OLFML1: variants seen among roughly 807,000 people sequenced by gnomAD.
The protein encoded by OLFML1 is olfactomedin like 1.
In OLFML1, 33 loss-of-function variants were observed where a neutral mutation model predicts 37.3. That is an observed-to-expected ratio of 0.88 (90% CI 0.67 to 1.18). The LOEUF (loss-of-function observed/expected upper bound fraction) is 1.18, where lower values mean the gene tolerates loss of function less well. Ranked by LOEUF, OLFML1 falls within the 50% of genes most tolerant of loss-of-function variation. The pLI is 0.00. For synonymous variants in OLFML1, 186 were observed against 181.3 expected, an observed-to-expected ratio of 1.03 and a Z score of -0.21; for missense variants, 545 against 483.7, an observed-to-expected ratio of 1.13 and a Z score of -1.19.
chr11:7,497,928 T>C (rs767663153), intron 2 of OLFML1, among the ~76,000 whole-genome samples: 1 of 152,196 alleles, frequency 6.6e-6, no homozygotes, highest in Non-Finnish European at 1.5e-5. Flanking sequence ...ACAGTTCCTG[T>C]TTTCCTGCTA....
Position 7,509,904 on chromosome 11 carries a change from G to A in OLFML1, c.925G>A (p.Asp309Asn), listed in dbSNP as rs370996733. The A allele has an allele frequency of 6.5e-5, 105 of 1,614,132 alleles. No homozygotes were observed. Among genetic ancestry groups the A allele is most frequent in the Admixed American group, 1.7e-4 (10 of 60,012 alleles). ...CACACTGGGAGTGGAGCATTCATGG[G>A]ATACCCCATGCAGAAGCCAGGATGC... is the stretch of plus-strand genomic sequence containing the variant. Reference protein sequence around the residue: ...PGTLGVEHSWDTPCRSQDAEA... With the variant: ...PGTLGVEHSWNTPCRSQDAEA... Residue 309 changes from aspartate to asparagine, a missense_variant, in exon 3 of 3, where the codon GAT becomes AAT. By Grantham distance (23) the Asp-to-Asn change is conservative (BLOSUM62 1). Transcript: ENST00000329293.
At chr11:7,504,861 A>C (rs1848766609) in intron 2 of OLFML1, 2 of 151,150 alleles carry the variant, frequency 1.3e-5, no homozygotes, top group African/African-American at 4.9e-5. Context: ...ACTCCAGTTG[A>C]CCTTCAGTGG....
chr11:7,506,845 A>G (rs1848792048), intron 2 of OLFML1, among the ~76,000 whole-genome samples: 1 of 152,188 alleles, frequency 6.6e-6, no homozygotes, highest in Admixed American at 6.5e-5. Context: ...ATGACCTGGG[A>G]GAAAGTAGAG....
chr11:7,495,416 G>A (rs1848650210), intron 2 of OLFML1, among the ~76,000 whole-genome samples: 2 of 152,106 alleles, frequency 1.3e-5, no homozygotes, highest in Non-Finnish European at 2.9e-5. Context: ...AAGTATGAAA[G>A]TAATACTCAC....
chr11:7,498,455 G>T (rs576280577), intron 2 of OLFML1, among the ~76,000 whole-genome samples: 160 of 152,208 alleles, frequency 1.1e-3, no homozygotes, highest in African/African-American at 3.6e-3. Flanking sequence ...CTGAGATATC[G>T]GAAACTTATT....
At chr11:7,504,697 G>T (rs1351410411) in intron 2 of OLFML1, 1 of 152,186 alleles carries the variant, frequency 6.6e-6, no homozygotes, top group Non-Finnish European at 1.5e-5. Context: ...TAGTCATATG[G>T]AAAGCATGAT....
At position 7,493,143 on chromosome 11, in the gene OLFML1, TC is replaced by T. The variant is rs537409880; in HGVS notation, c.418+4730del. On this transcript the variant is annotated intron_variant, in intron 2 of 2. Coordinates refer to ENST00000329293, the MANE Select transcript of OLFML1 (RefSeq NM_198474.4). The stretch of plus-strand genomic sequence containing the variant: ...ATTTTATTTCCTGTTGTCGTCCAGT[TC>T]CTTTTATTGCAAGGGTGCACAAAAA... Among the ~76,000 whole-genome samples, 218 of 152,332 alleles carry T rather than the reference TC, an allele frequency of 1.4e-3. 1 individual carries two copies. Among genetic ancestry groups the T allele is most frequent in the African/African-American group, 4.9e-3 (204 of 41,570 alleles).
At chr11:7,495,930 G>C (rs192320981) in intron 2 of OLFML1, among the ~76,000 whole-genome samples, 17 of 152,254 alleles carry the variant, frequency 1.1e-4, no homozygotes, top group African/African-American at 3.6e-4. Flanking sequence ...CTCTGCCTCT[G>C]TGTCTACTCA....
chr11:7,486,683 C>G (rs562474461), intron 1 of OLFML1, among the ~76,000 whole-genome samples: 86 of 152,316 alleles, frequency 5.6e-4, no homozygotes, highest in South Asian at 2.9e-3. Context: ...TCCACCCTAG[C>G]CTTTGCCACA....
intron 2 of OLFML1, among the ~76,000 whole-genome samples, chr11:7,508,644 T>G (rs1848813568): frequency 1.3e-5 from 2 of 152,240 alleles, no homozygotes; most frequent in Admixed American, 6.5e-5. Flanking sequence ...ATCTTGCTCC[T>G]TGTAGGTATC....
chr11:7,489,446 C>G (rs1296755460), intron 2 of OLFML1, among the ~76,000 whole-genome samples: 1 of 151,766 alleles, frequency 6.6e-6, no homozygotes, highest in Non-Finnish European at 1.5e-5. Flanking sequence ...AGAGAGGTGA[C>G]AGTAGGGAAA....
At chr11:7,495,958 T>G (rs1848658154) in intron 2 of OLFML1, among the ~76,000 whole-genome samples, 1 of 152,220 alleles carries the variant, frequency 6.6e-6, no homozygotes, top group Non-Finnish European at 1.5e-5. Context: ...CACCCTGCCC[T>G]GTATCAGTTA....
At position 7,511,005 on chromosome 11, in the gene OLFML1, AG is replaced by A. The variant is rs1362699177; in HGVS notation, c.*819del. The A allele has an allele frequency of 6.6e-6, 1 of 152,256 alleles. No individual in the cohort carries two copies. Among genetic ancestry groups the A allele is most frequent in the Non-Finnish European group, 1.5e-5 (1 of 68,050 alleles). The allele number at this position is 152,256 out of a possible 1,614,324, so 9.4% of individuals were successfully genotyped here. On this transcript the variant is annotated 3_prime_UTR_variant, in exon 3 of 3. Transcript: ENST00000329293. ...CTTTACAGCTGTCATTCTAGAGTTTAGGTGAGTAACACAATTACAAAGTGAA... is the reference window on the plus strand; with the variant it reads ...CTTTACAGCTGTCATTCTAGAGTTTAGTGAGTAACACAATTACAAAGTGAA...
At chr11:7,486,033 G>A (rs774890496) in intron 1 of OLFML1, 29 bp downstream of exon 1, 58 of 1,602,924 alleles carry the variant, frequency 3.6e-5, no homozygotes, top group Non-Finnish European at 4.7e-5. Flanking sequence ...CCTTGGATAA[G>A]TAACAGGCTT....
At chr11:7,488,063 A>G in intron 1 of OLFML1, 64 bp from the exon 2 acceptor site, 1 of 1,153,700 alleles carries the variant, frequency 8.7e-7, no homozygotes, top group Non-Finnish European at 1.2e-6. Flanking sequence ...AATGATAGGT[A>G]TTTATATTAT....
intron 2 of OLFML1, among the ~76,000 whole-genome samples, chr11:7,498,283 T>C (rs551286122): frequency 2.0e-5 from 3 of 152,290 alleles, no homozygotes; most frequent in African/African-American, 7.2e-5. Context: ...AGGATTTTGT[T>C]TTGAATAATG....
At chr11:7,493,880 A>T (rs761863127) in intron 2 of OLFML1, among the ~76,000 whole-genome samples, 3 of 150,046 alleles carry the variant, frequency 2.0e-5, no homozygotes, top group Non-Finnish European at 4.5e-5. Context: ...GGCATTAGAG[A>T]TAGAATGTTG....
chr11:7,486,842 C>T (rs1181813492), intron 1 of OLFML1, among the ~76,000 whole-genome samples: 1 of 152,148 alleles, frequency 6.6e-6, no homozygotes, highest in Non-Finnish European at 1.5e-5. Context: ...ATATGTTCTT[C>T]TAGTTATAGT....
At chr11:7,492,904 T>C (rs1419493534) in intron 2 of OLFML1, among the ~76,000 whole-genome samples, 4 of 152,336 alleles carry the variant, frequency 2.6e-5, no homozygotes, top group African/African-American at 9.6e-5. Context: ...TGATAATTTA[T>C]GACAAAGAAT....
Sources: allele counts gnomAD v4.1 joint callset (sites outside exome capture counted in the v4.1 genomes callset), GRCh38; gene constraint gnomAD v4.1.1; transcripts MANE v1.5; gene names NCBI Gene and HGNC (gene_info 2026-07-23, HGNC 2026-07-21).